LTBP1: variants seen among roughly 807,000 people sequenced by gnomAD.
LTBP1 encodes latent-transforming growth factor beta-binding protein 1.
Under a neutral mutation model 207.6 loss-of-function variants are expected in LTBP1, and 129 were observed. The observed-to-expected ratio is 0.62, with a 90% CI of 0.54 to 0.72. The LOEUF is 0.72. LTBP1 is among the 30% of genes least tolerant of loss of function. The probability of loss-of-function intolerance (pLI) is 0.00; values close to 1 mark genes in which losing one functional copy is unlikely to be tolerated. For missense variants in LTBP1, 2,281 were observed against 2,217.2 expected (o/e 1.03, Z -0.58); for synonymous variants, 963 against 833.7 (o/e 1.16, Z -2.67).
chr2:33,240,734 T>C (rs2092286789), intron 9 of LTBP1, among the ~76,000 whole-genome samples: 2 of 140,882 alleles, frequency 1.4e-5, no homozygotes, highest in East Asian at 4.4e-4. Context: ...CACTCCAAGC[T>C]CCACCTCTCA....
intron 2 of LTBP1, among the ~76,000 whole-genome samples, chr2:32,968,902 A>AGT (rs1391896153): frequency 1.1e-4 from 13 of 116,294 alleles, no homozygotes; most frequent in Non-Finnish European, 1.4e-4. Context: ...TTTTTTCTTT[A>AGT]GTGTGTGTGT....
At chr2:33,259,169 A>T (rs112477412) in intron 12 of LTBP1, among the ~76,000 whole-genome samples, 1 of 152,194 alleles carries the variant, frequency 6.6e-6, no homozygotes, top group Non-Finnish European at 1.5e-5. Context: ...CTTTTTTAAC[A>T]CTTGACACCA....
intron 3 of LTBP1, among the ~76,000 whole-genome samples, chr2:33,065,670 A>G (rs147894392): frequency 6.6e-6 from 1 of 152,190 alleles, no homozygotes; most frequent in East Asian, 1.9e-4. Context: ...GTTGATGAGG[A>G]ATATTGGTCT....
intron 9 of LTBP1, among the ~76,000 whole-genome samples, chr2:33,222,823 T>C (rs1460980761): frequency 6.6e-6 from 1 of 152,208 alleles, no homozygotes; most frequent in East Asian, 1.9e-4. Flanking sequence ...AACTTGAGTT[T>C]ACCAAGGCCT....
intron 32 of LTBP1, among the ~76,000 whole-genome samples, chr2:33,393,441 CT>C (rs2095333415): frequency 7.1e-6 from 1 of 139,970 alleles, no homozygotes; most frequent in Non-Finnish European, 1.6e-5. Context: ...TCCCTCCCCC[CT>C]CCCCCAACCC....
At chr2:32,956,613 A>G (rs983292255) in intron 2 of LTBP1, among the ~76,000 whole-genome samples, 16 of 152,154 alleles carry the variant, frequency 1.1e-4, no homozygotes, top group African/African-American at 3.4e-4. Context: ...CAAGTCATCC[A>G]TGAGGGCTGG....
intron 24 of LTBP1, among the ~76,000 whole-genome samples, chr2:33,341,683 C>A (rs1254108053): frequency 7.3e-6 from 1 of 136,862 alleles, no homozygotes; most frequent in Non-Finnish European, 1.5e-5. Flanking sequence ...TGCACTCCAG[C>A]CTGGGCGACA....
intron 5 of LTBP1, among the ~76,000 whole-genome samples, chr2:33,185,782 G>T (rs759538278): frequency 6.1e-5 from 9 of 147,646 alleles, no homozygotes; most frequent in Non-Finnish European, 1.1e-4. Flanking sequence ...AACATAAACC[G>T]GCCCAAGATA....
chr2:33,219,654 G>A (rs1483796561), intron 8 of LTBP1, among the ~76,000 whole-genome samples: 1 of 152,024 alleles, frequency 6.6e-6, no homozygotes, highest in Non-Finnish European at 1.5e-5. Context: ...AGGGAAGTTA[G>A]GTTCATAGAA....
chr2:32,986,467 A>C (rs1683590239), intron 2 of LTBP1, among the ~76,000 whole-genome samples: 3 of 152,200 alleles, frequency 2.0e-5, no homozygotes, highest in Admixed American at 2.0e-4. Context: ...TGCTGACATT[A>C]AGCCTGATTG....
At chr2:33,274,056 A>G (rs1573552633) in intron 16 of LTBP1, among the ~76,000 whole-genome samples, 3 of 152,370 alleles carry the variant, frequency 2.0e-5, no homozygotes, top group Admixed American at 6.5e-5. Context: ...TAAACAAAAT[A>G]TGAATTACAG....
At chr2:33,389,357 A>G (rs748235341) in intron 32 of LTBP1, 51 bp downstream of exon 32, 30 of 1,606,344 alleles carry the variant, frequency 1.9e-5, no homozygotes, top group Middle Eastern at 1.7e-4. Flanking sequence ...TTGAAGATTA[A>G]TCAGTGGTCC....
chr2:32,998,063 G>A (rs766616511), intron 2 of LTBP1, among the ~76,000 whole-genome samples: 5 of 152,200 alleles, frequency 3.3e-5, no homozygotes, highest in Non-Finnish European at 7.3e-5. Context: ...CTAGATTTGA[G>A]CATGGTTCCT....
chr2:33,236,882 C>T (rs2092077816), intron 9 of LTBP1, among the ~76,000 whole-genome samples: 1 of 152,168 alleles, frequency 6.6e-6, no homozygotes. Flanking sequence ...GTTCTCTGGG[C>T]TCTGATAATT....
chr2:33,124,940 T>C (rs149128590), intron 4 of LTBP1, among the ~76,000 whole-genome samples: 1 of 152,334 alleles, frequency 6.6e-6, no homozygotes, highest in Non-Finnish European at 1.5e-5. Context: ...CCTTTGAACT[T>C]CTTATTATCA....
At chr2:33,080,231 T>TCAAC (rs1471103053) in intron 3 of LTBP1, among the ~76,000 whole-genome samples, 1 of 152,166 alleles carries the variant, frequency 6.6e-6, no homozygotes, top group Non-Finnish European at 1.5e-5. Flanking sequence ...TTTCACCATG[T>TCAAC]TGGCCAGGCT....
intron 23 of LTBP1, 77 bp from the exon 24 acceptor site, chr2:33,315,067 A>T: frequency 8.5e-7 from 1 of 1,177,108 alleles, no homozygotes; most frequent in East Asian, 2.4e-5. Flanking sequence ...TAATAGATTT[A>T]TTTGCCATCT....
At chr2:33,129,251 C>G (rs1307725531) in intron 4 of LTBP1, among the ~76,000 whole-genome samples, 12 of 152,146 alleles carry the variant, frequency 7.9e-5, no homozygotes, top group African/African-American at 2.9e-4. Flanking sequence ...TGAAGGGGTT[C>G]AACTGTCCAG....
chr2:33,200,664 G>C (rs1406567625), intron 7 of LTBP1, among the ~76,000 whole-genome samples: 1 of 152,116 alleles, frequency 6.6e-6, no homozygotes, highest in Non-Finnish European at 1.5e-5. Context: ...CACAGCAAAA[G>C]AAGCTACCAT....
Sources: allele counts gnomAD v4.1 joint callset (sites outside exome capture counted in the v4.1 genomes callset), GRCh38; gene constraint gnomAD v4.1.1; transcripts MANE v1.5; gene names NCBI Gene and HGNC (gene_info 2026-07-23, HGNC 2026-07-21).